Variants in TGFBR3 observed in about 807,000 individuals in gnomAD.
The protein encoded by TGFBR3 is transforming growth factor beta receptor type 3.
Under a neutral mutation model 87.9 loss-of-function variants are expected in TGFBR3, and 46 were observed. That is an observed-to-expected ratio of 0.52 (90% confidence interval 0.41 to 0.67). The LOEUF is 0.67. TGFBR3 is among the 30% of genes least tolerant of loss of function. TGFBR3 has a pLI of 0.00. For synonymous variants in TGFBR3, 381 were observed against 391.6 expected (o/e 0.97, Z 0.32); for missense variants, 866 against 1,041.9 (o/e 0.83, Z 2.32).
chr1:91,801,097 A>G (rs1050605816), intron 2 of TGFBR3: 6 of 218,736 alleles, frequency 2.7e-5, no homozygotes, highest in East Asian at 1.7e-4. Flanking sequence ...AAAAAAAAAA[A>G]AAAGAGAGAG....
At chr1:91,806,759 T>C (rs1335318952) in intron 2 of TGFBR3, among the ~76,000 whole-genome samples, 2 of 152,188 alleles carry the variant, frequency 1.3e-5, no homozygotes, top group African/African-American at 2.4e-5. Flanking sequence ...AATGACACCA[T>C]TGGCTAATAA....
intron 3 of TGFBR3, among the ~76,000 whole-genome samples, chr1:91,767,518 T>C (rs1412025598): frequency 7.5e-6 from 1 of 133,664 alleles, no homozygotes; most frequent in African/African-American, 2.8e-5. Flanking sequence ...ATGGCTCCTG[T>C]TGAGATTTGC....
chr1:91,696,579 G>C (rs1303590234), intron 15 of TGFBR3, among the ~76,000 whole-genome samples: 2 of 152,156 alleles, frequency 1.3e-5, no homozygotes, highest in Non-Finnish European at 2.9e-5. Context: ...CCCAGAAATA[G>C]AACATTTCCT....
At chr1:91,739,321 AC>A (rs1673070393) in intron 4 of TGFBR3, among the ~76,000 whole-genome samples, 1 of 151,876 alleles carries the variant, frequency 6.6e-6, no homozygotes, top group African/African-American at 2.4e-5. Flanking sequence ...ATGGTACCTA[AC>A]CCCCCAAGGT....
intron 3 of TGFBR3, among the ~76,000 whole-genome samples, chr1:91,776,478 C>T (rs556487327): frequency 2.6e-5 from 4 of 152,288 alleles, no homozygotes; most frequent in South Asian, 2.1e-4. Flanking sequence ...CAATTATTTC[C>T]CAGCTCATGA....
rs1043580823 is a variant in TGFBR3, at chr1:91,831,176, C to A, written c.61+30295G>T. Among the ~76,000 whole-genome samples the A allele has an allele frequency of 5.9e-5, 9 of 151,948 alleles. No homozygotes were observed. The East Asian group carries it at 1.7e-3, about 29-fold the overall frequency. ...CAGTAATAGTTTGTCTTTTACTCTG[C>A]AAAGTACAGCTTCTGTCCTCAAGGT... On this transcript the variant is annotated intron_variant, in intron 2 of 16. Transcript: ENST00000212355.
chr1:91,680,995 C>T lies in TGFBR3; in HGVS notation c.*2744G>A, dbSNP rs1210436262. 2.2e-6 allele frequency: 1 copy of T among 454,052 alleles called. No individual in the cohort carries two copies. The highest frequency in any genetic ancestry group is 6.9e-5 in the East Asian group (1 of 14,400). The allele number at this position is 454,052 out of a possible 1,614,324, so 28.1% of individuals were successfully genotyped here. A position where few individuals can be genotyped will look rare whatever the true frequency, so the allele number is the denominator to read the frequency against. On this transcript the variant is annotated 3_prime_UTR_variant, in exon 17 of 17. Coordinates refer to ENST00000212355, the MANE Select transcript of TGFBR3 (RefSeq NM_003243.5). Reference sequence around the variant, plus strand: ...ATAGCGTATTATACAGACAATCTGCCTTGGAGTTTGGGGCATTTTAACAAC... The same window carrying T: ...ATAGCGTATTATACAGACAATCTGCTTTGGAGTTTGGGGCATTTTAACAAC...
chr1:91,769,811 T>C (rs1674312266), intron 3 of TGFBR3, among the ~76,000 whole-genome samples: 1 of 152,020 alleles, frequency 6.6e-6, no homozygotes, highest in Admixed American at 6.6e-5. Flanking sequence ...TCTATTTCCC[T>C]AGAGATGGGA....
At chr1:91,722,457 T>A (rs1672403495) in intron 7 of TGFBR3, among the ~76,000 whole-genome samples, 1 of 151,578 alleles carries the variant, frequency 6.6e-6, no homozygotes, top group African/African-American at 2.4e-5. Context: ...GTCTAATGTT[T>A]AAATTATTAA....
intron 3 of TGFBR3, among the ~76,000 whole-genome samples, chr1:91,768,803 T>TTTTTTTTTTTTTTTTGAGACGG (rs1482402647): frequency 1.3e-5 from 2 of 152,208 alleles, no homozygotes; most frequent in African/African-American, 2.4e-5. Flanking sequence ...CTCTTTTCTT[T>TTTTTTTTTTTTTTTTGAGACGG]ATAAATTACC....
At chr1:91,769,888 G>A (rs1309964119) in intron 3 of TGFBR3, among the ~76,000 whole-genome samples, 1 of 152,236 alleles carries the variant, frequency 6.6e-6, no homozygotes, top group South Asian at 2.1e-4. Flanking sequence ...CTTCAGCACC[G>A]TAACTCTGGT....
At chr1:91,790,166 C>T (rs1382263365) in intron 3 of TGFBR3, among the ~76,000 whole-genome samples, 1 of 152,200 alleles carries the variant, frequency 6.6e-6, no homozygotes, top group African/African-American at 2.4e-5. Context: ...CAAGGGACCA[C>T]ATATACAACG....
intron 2 of TGFBR3, among the ~76,000 whole-genome samples, chr1:91,829,058 T>C (rs1676752225): frequency 6.6e-6 from 1 of 151,968 alleles, no homozygotes; most frequent in Non-Finnish European, 1.5e-5. Flanking sequence ...ACCTGGGCCA[T>C]GACCCAAGCA....
rs945269870 is a variant in TGFBR3 at position 91,787,943 on chromosome 1, G to GGAAAAAAAAAAAAAAAAA, written c.246+9343_246+9344insTTTTTTTTTTTTTTTTTC. The stretch of plus-strand genomic sequence containing the variant: ...ACAGAGCCAGACCCTGTCTCACGGG[G>GGAAAAAAAAAAAAAAAAA]AAAAAAAAAAAAACCCCAAGAAGAA... On this transcript the variant is annotated intron_variant, in intron 3 of 16. Coordinates refer to ENST00000212355, the MANE Select transcript of TGFBR3 (RefSeq NM_003243.5). 5.9e-4 allele frequency among the ~76,000 whole-genome samples: 79 copies of GGAAAAAAAAAAAAAAAAA among 133,274 alleles called. 1 individual carries two copies. The highest frequency in any genetic ancestry group is 1.9e-3 in the African/African-American group (62 of 32,618). 87.4% of individuals were successfully genotyped at this position (133,274 alleles called of 152,430 possible). A position where few individuals can be genotyped will look rare whatever the true frequency, so the allele number is the denominator to read the frequency against.
chr1:91,885,070 G>T (rs1037234348), intron 1 of TGFBR3, among the ~76,000 whole-genome samples: 6 of 152,236 alleles, frequency 3.9e-5, no homozygotes, highest in African/African-American at 1.4e-4. Context: ...ATCATTAGAT[G>T]CTCACAGCAA....
Position 91,773,483 on chromosome 1 carries a change from C to A in TGFBR3, c.247-14733G>T, listed in dbSNP as rs1384602459. Among the ~76,000 whole-genome samples, 3 of 152,256 alleles carry A rather than the reference C, an allele frequency of 2.0e-5. No individual in the cohort carries two copies. The East Asian group carries it at 5.8e-4, about 29-fold the overall frequency. On this transcript the variant is annotated intron_variant, in intron 3 of 16. Transcript: ENST00000212355. ...TCACCTGAAGTCAGGAGTTCAAGAC[C>A]AGCCTGGCCAATATGGTGAAACCCC...
chr1:91,900,312 C>T (rs965691597), intron 1 of TGFBR3, among the ~76,000 whole-genome samples: 8 of 152,106 alleles, frequency 5.3e-5, no homozygotes, highest in Admixed American at 2.6e-4. Flanking sequence ...CAGGGTTTCA[C>T]CATGTTGGCC....
chr1:91,863,797 G>C (rs976728412), intron 1 of TGFBR3: 1 of 152,142 alleles, frequency 6.6e-6, no homozygotes, highest in African/African-American at 2.4e-5. Context: ...CTAAATTATA[G>C]AGATAATTTG....
At chr1:91,835,745 G>A (rs890974819) in intron 2 of TGFBR3, among the ~76,000 whole-genome samples, 1 of 143,886 alleles carries the variant, frequency 6.9e-6, no homozygotes, top group South Asian at 2.3e-4. Flanking sequence ...GGACAATGAC[G>A]TGAACCCGGA....
Sources: gnomAD v4.1 joint callset for allele counts (sites outside exome capture counted in the v4.1 genomes callset) on GRCh38, gnomAD v4.1.1 for gene constraint, MANE v1.5 for transcripts, NCBI Gene and HGNC (gene_info 2026-07-23, HGNC 2026-07-21) for gene names.